Variants in SMG6 observed in about 807,000 individuals in gnomAD.
SMG6 encodes telomerase-binding protein EST1A.
In SMG6, 66 loss-of-function variants were observed where a neutral mutation model predicts 142.2. That is an observed-to-expected ratio of 0.46 (90% confidence interval 0.38 to 0.57). The LOEUF (loss-of-function observed/expected upper bound fraction) is 0.57, where lower values mean the gene tolerates loss of function less well. SMG6 is among the 20% of genes least tolerant of loss of function. The pLI is 0.00. For missense variants in SMG6, 1,793 were observed against 1,832.0 expected (o/e 0.98, Z 0.39); for synonymous variants, 779 against 702.4 (o/e 1.11, Z -1.72).
intron 8 of SMG6, among the ~76,000 whole-genome samples, chr17:2,264,236 C>A (rs2074375317): frequency 6.6e-6 from 1 of 152,204 alleles, no homozygotes; most frequent in African/African-American, 2.4e-5. Context: ...TTCCAGTTGG[C>A]TGGAACTCAG....
intron 8 of SMG6, chr17:2,280,608 C>T (rs569509912): frequency 1.0e-6 from 1 of 984,866 alleles, no homozygotes; most frequent in East Asian, 1.1e-4. Context: ...AAATGAAAAG[C>T]TCAAACTCAA....
chr17:2,137,160 CT>C (rs1163809491), intron 13 of SMG6, among the ~76,000 whole-genome samples: 5 of 151,918 alleles, frequency 3.3e-5, no homozygotes, highest in Non-Finnish European at 5.9e-5. Flanking sequence ...GAGTGAGACC[CT>C]GACTCAAAAA....
chr17:2,178,591 C>A (rs978801723), intron 12 of SMG6, among the ~76,000 whole-genome samples: 1 of 152,210 alleles, frequency 6.6e-6, no homozygotes, highest in Non-Finnish European at 1.5e-5. Context: ...CTATGGCCAG[C>A]AATAGGTCAC....
At chr17:2,272,104 G>A (rs1417031987) in intron 8 of SMG6, among the ~76,000 whole-genome samples, 2 of 152,178 alleles carry the variant, frequency 1.3e-5, no homozygotes, top group African/African-American at 4.8e-5. Context: ...TGCACACCAT[G>A]GCACCAAACT....
chr17:2,188,014 C>A (rs11078855), intron 11 of SMG6, among the ~76,000 whole-genome samples: 1 of 151,832 alleles, frequency 6.6e-6, no homozygotes, highest in Non-Finnish European at 1.5e-5. Flanking sequence ...TGGTCCACAG[C>A]GGTTACAGAA....
chr17:2,092,878 T>G (rs2068761762), intron 13 of SMG6, among the ~76,000 whole-genome samples: 1 of 152,230 alleles, frequency 6.6e-6, no homozygotes, highest in African/African-American at 2.4e-5. Context: ...AGCCTTTGTT[T>G]GCTCAAGTTG....
In SMG6 at chr17:2,091,872, C is replaced by T. The variant is rs567754397; in HGVS notation, c.3358-5971G>A. On this transcript the variant is annotated intron_variant, in intron 13 of 18. Coordinates refer to ENST00000263073, the MANE Select transcript of SMG6 (RefSeq NM_017575.5). Reference sequence around the variant, plus strand: ...TGTGTGTGTTTTTTTTTAGTAGAGACGAGGTTTCACCGTGTTAGCCAGGAC... The same window carrying T: ...TGTGTGTGTTTTTTTTTAGTAGAGATGAGGTTTCACCGTGTTAGCCAGGAC... Among the ~76,000 whole-genome samples, 9 of 150,244 alleles carry T rather than the reference C, an allele frequency of 6.0e-5. 1 individual carries two copies. In the South Asian group the frequency reaches 8.4e-4, roughly 14 times the overall value.
intron 8 of SMG6, among the ~76,000 whole-genome samples, chr17:2,245,324 T>C (rs2073904048): frequency 6.6e-6 from 1 of 152,220 alleles, no homozygotes; most frequent in South Asian, 2.1e-4. Flanking sequence ...GCTATGACTA[T>C]TCCACTCCAG....
chr17:2,065,615 G>A lies in SMG6; in HGVS notation c.3900C>T (p.Ala1300=). The A allele has an allele frequency of 6.2e-7, 1 of 1,614,048 alleles. No homozygotes were observed. ...QETDHRAGGY[A]RVVQEKARKS... ...TGCGGGCCTTCTCTTGTACCACACG[G>A]GCGTAGCCCCCAGCCCGGTGGTCTG... Residue 1300 remains alanine, a synonymous_variant, in exon 17 of 19, where the codon GCC becomes GCT. Coordinates refer to ENST00000263073, the MANE Select transcript of SMG6 (RefSeq NM_017575.5).
At chr17:2,268,273 A>G (rs1358664872) in intron 8 of SMG6, among the ~76,000 whole-genome samples, 1 of 152,056 alleles carries the variant, frequency 6.6e-6, no homozygotes, top group Non-Finnish European at 1.5e-5. Context: ...TCATGATACA[A>G]CTCTAGGAAT....
chr17:2,119,872 C>T (rs1007817316), intron 13 of SMG6, among the ~76,000 whole-genome samples: 2 of 152,174 alleles, frequency 1.3e-5, no homozygotes, highest in Non-Finnish European at 2.9e-5. Context: ...CTGTGTTAGC[C>T]GGCATGGTCT....
intron 10 of SMG6, chr17:2,235,891 G>GA (rs1288671929): frequency 1.3e-5 from 2 of 152,078 alleles, no homozygotes; most frequent in East Asian, 1.9e-4. Flanking sequence ...GACCCCCTAT[G>GA]AAAAAACCCC....
chr17:2,110,828 A>C (rs545374382), intron 13 of SMG6, among the ~76,000 whole-genome samples: 8 of 152,320 alleles, frequency 5.3e-5, no homozygotes, highest in Admixed American at 4.6e-4. Flanking sequence ...AATCAATATC[A>C]GGAGGGTCAT....
chr17:2,093,673 T>C (rs947598111), intron 13 of SMG6, among the ~76,000 whole-genome samples: 8 of 152,202 alleles, frequency 5.3e-5, no homozygotes, highest in African/African-American at 1.7e-4. Flanking sequence ...TACCTGGCTG[T>C]TGAAGCTGCA....
intron 13 of SMG6, among the ~76,000 whole-genome samples, chr17:2,091,840 TTG>T (rs140099975): frequency 2.1e-3 from 65 of 30,538 alleles, no homozygotes; most frequent in South Asian, 4.2e-3. Context: ...CCAGCTAATT[TTG>T]TGTGTGTGTG....
At chr17:2,287,434 G>A (rs1410394812) in intron 6 of SMG6, among the ~76,000 whole-genome samples, 5 of 152,212 alleles carry the variant, frequency 3.3e-5, no homozygotes, top group Non-Finnish European at 7.3e-5. Flanking sequence ...CAGAAGCCTT[G>A]CATGCTGTTG....
intron 14 of SMG6, among the ~76,000 whole-genome samples, chr17:2,084,528 G>A (rs2068505271): frequency 6.6e-6 from 1 of 152,152 alleles, no homozygotes; most frequent in African/African-American, 2.4e-5. Flanking sequence ...CTGCTCTCAG[G>A]ACTCTGATCC....
intron 8 of SMG6, among the ~76,000 whole-genome samples, chr17:2,272,325 C>T (rs543448816): frequency 3.3e-5 from 5 of 152,276 alleles, no homozygotes; most frequent in Admixed American, 3.3e-4. Context: ...ATTCACTTTC[C>T]TCTCTCCTCA....
intron 13 of SMG6, among the ~76,000 whole-genome samples, chr17:2,170,371 C>T (rs1019972851): frequency 1.3e-5 from 2 of 152,220 alleles, no homozygotes; most frequent in Non-Finnish European, 2.9e-5. Flanking sequence ...CGTTAGGACT[C>T]TTCTACTCAG....
Sources: allele counts gnomAD v4.1 joint callset (sites outside exome capture counted in the v4.1 genomes callset), GRCh38; gene constraint gnomAD v4.1.1; transcripts MANE v1.5; gene names NCBI Gene and HGNC (gene_info 2026-07-23, HGNC 2026-07-21).